PCDHA3: variants seen among roughly 807,000 people sequenced by gnomAD.
The protein encoded by PCDHA3 is protocadherin alpha 3, also known as protocadherin alpha-3.
PCDHA3 carries 41 observed loss-of-function variants against 62.2 expected under a neutral mutation model. The ratio of observed to expected loss-of-function variants is 0.66; its 90% CI spans 0.51 to 0.86. PCDHA3 has a LOEUF of 0.86. Ranked by LOEUF, PCDHA3 falls within the 40% of genes least tolerant of loss-of-function variation. PCDHA3 has a pLI of 0.00. For missense variants in PCDHA3, 1,304 were observed against 1,241.2 expected (o/e 1.05, Z -0.76); for synonymous variants, 640 against 555.4 (o/e 1.15, Z -2.14).
At position 140,857,115 on chromosome 5, in the gene PCDHA3, T is replaced by C. The variant is rs782131761; in HGVS notation, c.2394+53524T>C. On this transcript the variant is annotated intron_variant, in intron 1 of 3. Coordinates refer to ENST00000522353, the MANE Select transcript of PCDHA3 (RefSeq NM_018906.3). ...GAGGTGATTGTCACTTCTCTGTCTC[T>C]CCCAGTGAAAGAAGATGCTCAAGTG... 20 of 1,597,830 alleles carry C rather than the reference T, an allele frequency of 1.3e-5. 2 individuals carry two copies. In the East Asian group the frequency reaches 3.8e-4, roughly 30 times the overall value.
At chr5:140,859,043 C>G (rs552891148) in intron 1 of PCDHA3, 1 of 150,484 alleles carries the variant, frequency 6.6e-6, no homozygotes, top group Non-Finnish European at 1.5e-5. Context: ...ACTTTAAAAA[C>G]GTTTTCCATT....
intron 1 of PCDHA3, among the ~76,000 whole-genome samples, chr5:140,844,861 A>G (rs1302890779): frequency 2.7e-5 from 4 of 149,288 alleles, no homozygotes; most frequent in African/African-American, 4.9e-5. Flanking sequence ...ACCTGCCTGG[A>G]TATTAAATAC....
chr5:140,917,439 G>T (rs1437451173), intron 1 of PCDHA3, among the ~76,000 whole-genome samples: 1 of 151,364 alleles, frequency 6.6e-6, no homozygotes, highest in Non-Finnish European at 1.5e-5. Flanking sequence ...TTTTGTTTTT[G>T]CTGCAAGAGC....
At chr5:141,007,395 C>CAAAAAAAAAAAAAAAAA (rs35800918) in intron 3 of PCDHA3, among the ~76,000 whole-genome samples, 5 of 94,868 alleles carry the variant, frequency 5.3e-5, no homozygotes, top group Non-Finnish European at 8.3e-5. Context: ...TACTAAAATA[C>CAAAAAAAAAAAAAAAAA]AAAAAAAAAA....
At chr5:140,899,693 A>G (rs1269311819) in intron 1 of PCDHA3, among the ~76,000 whole-genome samples, 1 of 152,240 alleles carries the variant, frequency 6.6e-6, no homozygotes, top group East Asian at 1.9e-4. Flanking sequence ...TGCTGGCCTC[A>G]TAAAATGAGT....
At chr5:140,871,121 A>G (rs1554165161) in intron 1 of PCDHA3, 4 of 1,613,320 alleles carry the variant, frequency 2.5e-6, no homozygotes, top group Non-Finnish European at 3.4e-6. Context: ...GAGAGCGGAC[A>G]GGCGCCAAAG....
In PCDHA3 at chr5:140,857,592, A is replaced by G. The variant is rs782473553; in HGVS notation, c.2394+54001A>G. On this transcript the variant is annotated intron_variant, in intron 1 of 3. Coordinates refer to ENST00000522353, the MANE Select transcript of PCDHA3 (RefSeq NM_018906.3). ...GTGTCGGTGCACGCGGAGAGCGGCA[A>G]GGTGTACGCGCTGCAGCCGCTGGAC... 5 of 1,596,098 alleles carry G rather than the reference A, an allele frequency of 3.1e-6. No individual in the cohort carries two copies. In the African/African-American group the frequency reaches 6.7e-5, roughly 21 times the overall value.
At chr5:140,913,808 A>T (rs1332519291) in intron 1 of PCDHA3, among the ~76,000 whole-genome samples, 1 of 152,102 alleles carries the variant, frequency 6.6e-6, no homozygotes, top group Non-Finnish European at 1.5e-5. Context: ...TCAAATTTTC[A>T]ATTTCCTTTT....
chr5:140,976,781 T>C (rs1238344428), intron 1 of PCDHA3, among the ~76,000 whole-genome samples: 26 of 152,206 alleles, frequency 1.7e-4, no homozygotes, highest in Admixed American at 1.6e-3. Flanking sequence ...TCTGACTATA[T>C]AGCTACGCTT....
At chr5:140,857,859 C>T (rs1554150765) in intron 1 of PCDHA3, 3 of 1,597,718 alleles carry the variant, frequency 1.9e-6, no homozygotes, top group Non-Finnish European at 2.6e-6. Context: ...GGATACAACG[C>T]GTGGCTGTCG....
chr5:140,902,676 C>T (rs781793838), intron 1 of PCDHA3, among the ~76,000 whole-genome samples: 7 of 152,040 alleles, frequency 4.6e-5, no homozygotes, highest in Non-Finnish European at 7.4e-5. Context: ...CAGTGTACAC[C>T]GTACCTAATA....
At chr5:140,860,557 G>C (rs146943384) in intron 1 of PCDHA3, 1 of 152,036 alleles carries the variant, frequency 6.6e-6, no homozygotes, top group African/African-American at 2.4e-5. Context: ...CTTTGAAGAG[G>C]TACTGATCAT....
chr5:140,874,485 T>C (rs1235889322), intron 1 of PCDHA3, among the ~76,000 whole-genome samples: 1 of 152,218 alleles, frequency 6.6e-6, no homozygotes, highest in Non-Finnish European at 1.5e-5. Flanking sequence ...AAGCAAAAGG[T>C]TGATATCAAG....
In PCDHA3 at chr5:140,843,257, C is replaced by G. The variant is rs146582216; in HGVS notation, c.2394+39666C>G. 40 of 1,595,938 alleles carry G rather than the reference C, an allele frequency of 2.5e-5. 2 individuals carry two copies. The highest frequency in any genetic ancestry group is 3.2e-5 in the Non-Finnish European group (37 of 1,165,610). On this transcript the variant is annotated intron_variant, in intron 1 of 3. Coordinates refer to ENST00000522353, the MANE Select transcript of PCDHA3 (RefSeq NM_018906.3). The stretch of plus-strand genomic sequence containing the variant: ...GGACGAAGCGGACTCTCCGCGCCAC[C>G]GTCTGCTGGTCCTGGTGAAGGATCA...
At position 140,848,871 on chromosome 5, in the gene PCDHA3, A is replaced by G. The variant is rs2040646232; in HGVS notation, c.2394+45280A>G. The G allele has an allele frequency of 4.4e-6, 7 of 1,590,744 alleles. 1 individual carries two copies. The African/African-American group carries it at 6.8e-5, about 15-fold the overall frequency. On this transcript the variant is annotated intron_variant, in intron 1 of 3. Coordinates refer to ENST00000522353, the MANE Select transcript of PCDHA3 (RefSeq NM_018906.3). ...CCATGTGGACGTGGAGGTGAAGGAC[A>G]TTAACGACAACCCTCCAGTGTTCCC...
At chr5:140,909,327 G>A (rs2074440684) in intron 1 of PCDHA3, among the ~76,000 whole-genome samples, 1 of 152,216 alleles carries the variant, frequency 6.6e-6, no homozygotes. Context: ...CCAAATCAAT[G>A]GTTGCATACC....
intron 3 of PCDHA3, among the ~76,000 whole-genome samples, chr5:140,998,401 CA>C (rs2097811473): frequency 6.6e-6 from 1 of 152,108 alleles, no homozygotes; most frequent in African/African-American, 2.4e-5. Context: ...ATCTTTATGC[CA>C]AAGTTTATCT....
chr5:140,821,697 A>C (rs1307389134), intron 1 of PCDHA3: 2 of 1,400,452 alleles, frequency 1.4e-6, no homozygotes, highest in African/African-American at 2.9e-5. Context: ...TAAAAAATAT[A>C]TAGTTAATTG....
Position 140,803,324 on chromosome 5 carries a change from T to G in PCDHA3, c.2127T>G (p.Ser709Arg). 1 of 1,614,132 alleles carries G rather than the reference T, an allele frequency of 6.2e-7. No individual in the cohort carries two copies. Among genetic ancestry groups the G allele is most frequent in the East Asian group, 2.2e-5 (1 of 44,876 alleles). The change falls in exon 1 of 4, where the codon AGT becomes AGG. Residue 709 changes from serine to arginine, a missense_variant. Transcript: ENST00000522353. ...YLIVAICAVS[S>R]LLVLTLLLYT... The stretch of plus-strand genomic sequence containing the variant: ...TCGTCGCCATCTGCGCGGTGTCCAG[T>G]CTGTTGGTGCTCACACTGCTGCTAT...
Sources: gnomAD v4.1 joint callset for allele counts (sites outside exome capture counted in the v4.1 genomes callset) on GRCh38, gnomAD v4.1.1 for gene constraint, MANE v1.5 for transcripts, NCBI Gene and HGNC (gene_info 2026-07-23, HGNC 2026-07-21) for gene names.